The following INPP4B variants were observed in gnomAD, a reference collection of about 807,000 sequenced individuals.
The protein encoded by INPP4B is inositol polyphosphate 4-phosphatase type II.
INPP4B carries 55 observed loss-of-function variants against 122.5 expected under a neutral mutation model. That is an observed-to-expected ratio of 0.45 (90% CI 0.36 to 0.56). The LOEUF (loss-of-function observed/expected upper bound fraction) is 0.56, where lower values mean the gene tolerates loss of function less well. Ranked by LOEUF, INPP4B falls within the 20% of genes least tolerant of loss-of-function variation. The pLI is 0.00. For missense variants in INPP4B, 1,000 were observed against 1,097.7 expected, an observed-to-expected ratio of 0.91 and a Z score of 1.26; for synonymous variants, 403 against 388.7, an observed-to-expected ratio of 1.04 and a Z score of -0.43.
At chr4:142,373,283 T>G (rs1375584520) in intron 7 of INPP4B, among the ~76,000 whole-genome samples, 2 of 152,000 alleles carry the variant, frequency 1.3e-5, no homozygotes, top group African/African-American at 4.8e-5. Flanking sequence ...CCTTTTAAGG[T>G]TCTGACAACC....
At chr4:142,666,380 AAG>A (rs996498410) in intron 2 of INPP4B, among the ~76,000 whole-genome samples, 7 of 152,146 alleles carry the variant, frequency 4.6e-5, no homozygotes, top group African/African-American at 1.7e-4. Flanking sequence ...AAAGATAAAA[AAG>A]AGTTTAGAGG....
intron 3 of INPP4B, among the ~76,000 whole-genome samples, chr4:142,440,621 C>A (rs1811489063): frequency 6.6e-6 from 1 of 152,132 alleles, no homozygotes; most frequent in East Asian, 1.9e-4. Context: ...AATACAAGCC[C>A]TATTAACCCC....
At chr4:142,073,938 G>A (rs1769026336) in intron 25 of INPP4B, among the ~76,000 whole-genome samples, 1 of 151,856 alleles carries the variant, frequency 6.6e-6, no homozygotes, top group African/African-American at 2.4e-5. Flanking sequence ...CTAATCAACT[G>A]TAGGTTTTTG....
intron 21 of INPP4B, among the ~76,000 whole-genome samples, chr4:142,121,168 C>G (rs1249832123): frequency 6.6e-6 from 1 of 151,920 alleles, no homozygotes; most frequent in Non-Finnish European, 1.5e-5. Flanking sequence ...CTTTTTCTCC[C>G]AAATGAATGG....
intron 1 of INPP4B, among the ~76,000 whole-genome samples, chr4:142,754,769 G>T (rs538996470): frequency 1.3e-5 from 2 of 151,780 alleles, no homozygotes; most frequent in African/African-American, 4.8e-5. Context: ...AATATGATGA[G>T]GTATTGAGAA....
intron 2 of INPP4B, chr4:142,660,630 G>A (rs990836256): frequency 6.6e-6 from 1 of 152,162 alleles, no homozygotes; most frequent in Non-Finnish European, 1.5e-5. Context: ...GCCACCAAAA[G>A]GGTAAAGATT....
At chr4:142,653,418 C>A (rs1243041936) in intron 2 of INPP4B, among the ~76,000 whole-genome samples, 2 of 152,108 alleles carry the variant, frequency 1.3e-5, no homozygotes, top group Non-Finnish European at 2.9e-5. Flanking sequence ...AAATAAAATA[C>A]CATCAGAGTG....
At chr4:142,226,708 T>C (rs976034959) in intron 12 of INPP4B, among the ~76,000 whole-genome samples, 15 of 152,150 alleles carry the variant, frequency 9.9e-5, no homozygotes, top group Non-Finnish European at 1.9e-4. Flanking sequence ...TGCATTATTA[T>C]AGGAAAGAAA....
At chr4:142,319,888 A>G (rs903119810) in intron 7 of INPP4B, among the ~76,000 whole-genome samples, 1 of 152,200 alleles carries the variant, frequency 6.6e-6, no homozygotes, top group Non-Finnish European at 1.5e-5. Context: ...TTATTTGTTC[A>G]CGGCTCTGTA....
intron 2 of INPP4B, among the ~76,000 whole-genome samples, chr4:142,555,736 T>C (rs1481073454): frequency 6.6e-6 from 1 of 151,482 alleles, no homozygotes; most frequent in Non-Finnish European, 1.5e-5. Context: ...CCGGGCGTGG[T>C]AGTGGGCGCC....
At chr4:142,257,404 GA>G (rs1166426179) in intron 11 of INPP4B, among the ~76,000 whole-genome samples, 3 of 152,140 alleles carry the variant, frequency 2.0e-5, no homozygotes, top group Non-Finnish European at 4.4e-5. Flanking sequence ...AGGAAAAGAG[GA>G]AGTCAGATTG....
At chr4:142,060,063 C>T (rs1463032188) in intron 25 of INPP4B, among the ~76,000 whole-genome samples, 1 of 152,122 alleles carries the variant, frequency 6.6e-6, no homozygotes, top group Non-Finnish European at 1.5e-5. Context: ...GCTATACATA[C>T]GTGACTGATT....
At chr4:142,535,049 T>A (rs1323289457) in intron 2 of INPP4B, among the ~76,000 whole-genome samples, 2 of 152,168 alleles carry the variant, frequency 1.3e-5, no homozygotes, top group African/African-American at 4.8e-5. Context: ...ACATCAATTA[T>A]CATACATTAT....
intron 18 of INPP4B, among the ~76,000 whole-genome samples, chr4:142,127,937 C>A (rs1315216090): frequency 6.6e-6 from 1 of 152,088 alleles, no homozygotes; most frequent in African/African-American, 2.4e-5. Flanking sequence ...CAGGCCAAAG[C>A]AAAGCCAAAG....
At chr4:142,701,518 AAAG>A (rs1288517334) in intron 2 of INPP4B, among the ~76,000 whole-genome samples, 3 of 152,236 alleles carry the variant, frequency 2.0e-5, no homozygotes, top group Middle Eastern at 6.8e-3. Flanking sequence ...AAAAAAAAAA[AAAG>A]GTTTCATGGA....
At chr4:142,029,601 A>G (rs1738542126) in intron 25 of INPP4B, 1 of 985,222 alleles carries the variant, frequency 1.0e-6, no homozygotes. Context: ...ATTACAAAAC[A>G]TAAATAGCCA....
chr4:142,482,712 G>C (rs1460646889), intron 2 of INPP4B, among the ~76,000 whole-genome samples: 2 of 152,104 alleles, frequency 1.3e-5, no homozygotes, highest in Non-Finnish European at 2.9e-5. Context: ...ATACGCCAAT[G>C]CTTTGTACTG....
chr4:142,230,803 T>C (rs1490516084), intron 12 of INPP4B, among the ~76,000 whole-genome samples: 1 of 152,202 alleles, frequency 6.6e-6, no homozygotes, highest in Admixed American at 6.5e-5. Flanking sequence ...ATATACATTT[T>C]ATATATCTGT....
At chr4:142,584,887 G>A (rs28693572) in intron 2 of INPP4B, among the ~76,000 whole-genome samples, 2,166 of 152,164 alleles carry the variant, frequency 0.014, 41 homozygotes, top group African/African-American at 0.041. Flanking sequence ...ACTCTCCCAC[G>A]TTTATTTATT....
Sources: allele counts gnomAD v4.1 joint callset (sites outside exome capture counted in the v4.1 genomes callset), GRCh38; gene constraint gnomAD v4.1.1; transcripts MANE v1.5; gene names NCBI Gene and HGNC (gene_info 2026-07-23, HGNC 2026-07-21).